The following SDS variants were observed in gnomAD, a reference collection of about 807,000 sequenced individuals.
SDS encodes serine dehydratase, also known as L-serine dehydratase/L-threonine deaminase.
A neutral mutation model predicts 29.3 loss-of-function variants in SDS; 19 were observed. The observed-to-expected ratio is 0.65, with a 90% CI of 0.45 to 0.95. The LOEUF is 0.95. SDS is among the 40% of genes least tolerant of loss of function. The pLI is 0.00. For synonymous variants in SDS, 176 were observed against 189.0 expected (o/e 0.93, Z 0.56); for missense variants, 375 against 439.9 (o/e 0.85, Z 1.32).
chr12:113,398,385 C>G (rs1239073999), intron 5 of SDS, 130 bp downstream of exon 5: 3 of 642,994 alleles, frequency 4.7e-6, no homozygotes, highest in Non-Finnish European at 8.2e-6. Context: ...TGTGCTTCTA[C>G]ATGGTGGTGT....
At chr12:113,396,803 A>G (rs1023587641) in intron 6 of SDS, 4 of 284,452 alleles carry the variant, frequency 1.4e-5, no homozygotes, top group African/African-American at 8.5e-5. Flanking sequence ...TTTAAAAAAA[A>G]AACAAAAAAC....
chr12:113,397,896 C>T (rs1017484587), intron 5 of SDS, among the ~76,000 whole-genome samples: 1 of 152,158 alleles, frequency 6.6e-6, no homozygotes, highest in Non-Finnish European at 1.5e-5. Flanking sequence ...TTCCCTGAAA[C>T]CTTTGTCCCC....
rs759858435 is a variant in SDS, at chr12:113,402,666, C to T, written c.-3+1102G>A. Among the ~76,000 whole-genome samples, 9 of 152,292 alleles carry T rather than the reference C, an allele frequency of 5.9e-5. No homozygotes were observed. In the East Asian group the frequency reaches 9.7e-4, roughly 16 times the overall value. On this transcript the variant is annotated intron_variant, in intron 1 of 7. Coordinates refer to ENST00000257549, the MANE Select transcript of SDS (RefSeq NM_006843.3). ...CAATCGGGGTGGGAGTCAGAGGAGC[C>T]GGCCACGAAGACCCTTTTCAGGTGG...
At chr12:113,402,988 G>A (rs1484003259) in intron 1 of SDS, among the ~76,000 whole-genome samples, 1 of 152,148 alleles carries the variant, frequency 6.6e-6, no homozygotes, top group Admixed American at 6.5e-5. Context: ...TATGAAATCT[G>A]GGCTGGACAC....
intron 1 of SDS, among the ~76,000 whole-genome samples, 196 bp from the exon 2 acceptor site, chr12:113,399,906 C>T (rs1447566510): frequency 6.6e-6 from 1 of 152,226 alleles, no homozygotes; most frequent in East Asian, 1.9e-4. Context: ...ACGCCTTGGC[C>T]TCAGCTCTAT....
rs1268125702 is a variant in SDS, at chr12:113,398,521, A to T, written c.419T>A (p.Leu140His). ...GACCTTGAACTCCACATACCAGATGAGGGGGTCATCAAAGGGGGGAATGTA... is the reference window on the plus strand; with the variant it reads ...GACCTTGAACTCCACATACCAGATGTGGGGGTCATCAAAGGGGGGAATGTA... ...WVYIPPFDDP[L>H]IWEGHASIVK... Residue 140 changes from leucine to histidine, a missense_variant, in exon 5 of 8, where the codon CTC becomes CAC. Coordinates refer to ENST00000257549, the MANE Select transcript of SDS (RefSeq NM_006843.3). 5.0e-6 allele frequency: 8 copies of T among 1,588,632 alleles called. No individual in the cohort carries two copies. The highest frequency in any genetic ancestry group is 6.8e-6 in the Non-Finnish European group (8 of 1,168,316).
intron 7 of SDS, 57 bp downstream of exon 7, chr12:113,393,835 G>A (rs944987321): frequency 1.2e-6 from 2 of 1,609,214 alleles, no homozygotes; most frequent in African/African-American, 2.7e-5. Flanking sequence ...ATACCAAGTG[G>A]ACAGCCACTT....
Position 113,398,796 on chromosome 12 carries a change from G to C in SDS, c.244C>G (p.Pro82Ala). 1 of 1,613,260 alleles carries C rather than the reference G, an allele frequency of 6.2e-7. No homozygotes were observed. Reference sequence around the variant, plus strand: ...GTGCTGGGCACCACGATGGTGGCGGGGACGCCGAGTTGCCTGGCCGCATAT... The same window carrying C: ...GTGCTGGGCACCACGATGGTGGCGGCGACGCCGAGTTGCCTGGCCGCATAT... ...AAYAARQLGV[P>A]ATIVVPSTTP... is the part of the protein sequence containing the mutation. Residue 82 changes from proline to alanine, a missense_variant, in exon 4 of 8, where the codon CCC (proline) becomes GCC (alanine). By Grantham distance (27) the Pro-to-Ala change is conservative (BLOSUM62 -1). Transcript: ENST00000257549.
chr12:113,392,646 T>G lies in SDS; in HGVS notation c.*295A>C. On this transcript the variant is annotated 3_prime_UTR_variant, in exon 8 of 8. Transcript: ENST00000257549. ...ATTCCTCACTGCTGTGATTCAGGTC[T>G]CTCCTGTCCACCCTGCTCTGGGTAC... is the stretch of plus-strand genomic sequence containing the variant. 1 of 392,534 alleles carries G rather than the reference T, an allele frequency of 2.5e-6. No individual in the cohort carries two copies. The allele number at this position is 392,534 out of a possible 1,614,324, so 24.3% of individuals were successfully genotyped here.
At chr12:113,399,265 T>A in intron 2 of SDS, 114 bp from the exon 3 acceptor site, 1 of 1,172,380 alleles carries the variant, frequency 8.5e-7, no homozygotes. Flanking sequence ...TTTCCTTCAC[T>A]CAGAATTTGT....
Position 113,398,806 on chromosome 12 carries a change from T to C in SDS, c.234A>G (p.Gln78=), listed in dbSNP as rs1459874422. ...AGMAAAYAAR[Q]LGVPATIVVP... ...CCACGATGGTGGCGGGGACGCCGAGTTGCCTGGCCGCATATGCAGCCGCCA... is the reference window on the plus strand; with the variant it reads ...CCACGATGGTGGCGGGGACGCCGAGCTGCCTGGCCGCATATGCAGCCGCCA... The change falls in exon 4 of 8, where the codon CAA becomes CAG. Residue 78 remains glutamine (Q), a synonymous_variant. Coordinates refer to ENST00000257549, the MANE Select transcript of SDS (RefSeq NM_006843.3). 1 of 1,611,572 alleles carries C rather than the reference T, an allele frequency of 6.2e-7. No individual in the cohort carries two copies. The highest frequency in any genetic ancestry group is 8.5e-7 in the Non-Finnish European group (1 of 1,179,150).
chr12:113,394,434 G>A (rs1957633193), intron 6 of SDS, among the ~76,000 whole-genome samples: 1 of 151,146 alleles, frequency 6.6e-6, no homozygotes, highest in South Asian at 2.1e-4. Context: ...CTGCCTCCCG[G>A]GTTCAAGCAA....
At chr12:113,398,457 C>T in intron 5 of SDS, 58 bp downstream of exon 5, 2 of 1,069,464 alleles carry the variant, frequency 1.9e-6, no homozygotes, top group East Asian at 2.4e-5. Context: ...GCAATGCCTG[C>T]CCAGTGATAT....
intron 7 of SDS, 99 bp downstream of exon 7, chr12:113,393,793 G>T (rs1175845948): frequency 1.3e-6 from 2 of 1,519,250 alleles, no homozygotes; most frequent in African/African-American, 2.8e-5. Flanking sequence ...GAACTGTGAA[G>T]GAAACTTGGG....
chr12:113,399,669 G>A lies in SDS; in HGVS notation c.40C>T (p.Arg14Cys), dbSNP rs922114069. The change falls in exon 2 of 8, where the codon CGT becomes TGT. Residue 14 changes from arginine to cysteine, a missense_variant. Coordinates refer to ENST00000257549, the MANE Select transcript of SDS (RefSeq NM_006843.3). ...ATTTTGGACAGGGCCATGCTGTCACGGATGGGGGTCTTCACGTGCAGGGGT... is the reference window on the plus strand; with the variant it reads ...ATTTTGGACAGGGCCATGCTGTCACAGATGGGGGTCTTCACGTGCAGGGGT... Reference protein sequence around the residue: ...GEPLHVKTPIRDSMALSKMAG... With the variant: ...GEPLHVKTPICDSMALSKMAG... 21 of 1,597,930 alleles carry A rather than the reference G, an allele frequency of 1.3e-5. No individual in the cohort carries two copies. The highest frequency in any genetic ancestry group is 1.7e-5 in the Non-Finnish European group (20 of 1,174,254).
intron 7 of SDS, among the ~76,000 whole-genome samples, 198 bp from the exon 8 acceptor site, chr12:113,393,347 A>G (rs570611011): frequency 1.3e-5 from 2 of 152,374 alleles, no homozygotes; most frequent in African/African-American, 4.8e-5. Flanking sequence ...GGGTTTCATC[A>G]TGAGTGCTAA....
intron 1 of SDS, among the ~76,000 whole-genome samples, chr12:113,400,860 A>T (rs746618162): frequency 3.3e-5 from 5 of 151,786 alleles, no homozygotes; most frequent in South Asian, 4.2e-4. Context: ...GCATACATTT[A>T]AAAAAAACCT....
chr12:113,398,693 G>A lies in SDS; in HGVS notation c.333+14C>T, dbSNP rs780816829. The stretch of plus-strand genomic sequence containing the variant: ...AGGCGCCCTCTCTCTTCCTTGCCCT[G>A]GGTCGGCACTCACCTCACCCACCAC... On this transcript the variant is annotated intron_variant, in intron 4 of 7. Coordinates refer to ENST00000257549, the MANE Select transcript of SDS (RefSeq NM_006843.3). 6.2e-7 allele frequency: 1 copy of A among 1,613,208 alleles called. No individual in the cohort carries two copies. The highest frequency in any genetic ancestry group is 1.7e-5 in the Admixed American group (1 of 59,970).
rs1481776458 is a variant in SDS, at chr12:113,398,849, G to A, written c.194-3C>T. ...AGCCGCCATGCCTGCGTTGCCCGCT[G>A]CCAGGGTCGGGGGTGGAGAGCGTGT... On this transcript the variant is annotated splice_region_variant and splice_polypyrimidine_tract_variant and intron_variant, in intron 3 of 7. Transcript: ENST00000257549. 5.0e-6 allele frequency: 8 copies of A among 1,598,606 alleles called. No homozygotes were observed.
Sources: gnomAD v4.1 joint callset for allele counts (sites outside exome capture counted in the v4.1 genomes callset) on GRCh38, gnomAD v4.1.1 for gene constraint, MANE v1.5 for transcripts, NCBI Gene and HGNC (gene_info 2026-07-23, HGNC 2026-07-21) for gene names.